The following PCDH9 variants were observed in gnomAD, a reference collection of about 807,000 sequenced individuals.
The protein encoded by PCDH9 is protocadherin-9.
Under a neutral mutation model 70.6 loss-of-function variants are expected in PCDH9, and 24 were observed. The observed-to-expected ratio is 0.34, with a 90% CI of 0.25 to 0.48. The LOEUF (loss-of-function observed/expected upper bound fraction) is 0.48. Ranked by LOEUF, PCDH9 falls within the 20% of genes least tolerant of loss-of-function variation. The pLI is 0.99. For synonymous variants in PCDH9, 562 were observed against 558.5 expected (o/e 1.01, Z -0.09); for missense variants, 1,281 against 1,503.6 (o/e 0.85, Z 2.45).
intron 4 of PCDH9, among the ~76,000 whole-genome samples, chr13:66,564,998 G>A (rs2076632519): frequency 6.6e-6 from 1 of 151,968 alleles, no homozygotes; most frequent in African/African-American, 2.4e-5. Flanking sequence ...CTTCCCTTAG[G>A]AAGCTATACA....
At chr13:66,965,469 T>G (rs531148448) in intron 2 of PCDH9, among the ~76,000 whole-genome samples, 1 of 152,212 alleles carries the variant, frequency 6.6e-6, no homozygotes, top group African/African-American at 2.4e-5. Context: ...CTCCATATGC[T>G]TAGGAAGTCT....
At chr13:66,752,982 C>T (rs999703885) in intron 3 of PCDH9, among the ~76,000 whole-genome samples, 1 of 152,060 alleles carries the variant, frequency 6.6e-6, no homozygotes, top group African/African-American at 2.4e-5. Context: ...CTCAAGTAGG[C>T]AATTGGAGCC....
chr13:66,530,700 G>A lies in PCDH9; in HGVS notation c.3340+100510C>T, dbSNP rs573996802. On this transcript the variant is annotated intron_variant, in intron 4 of 4. Transcript: ENST00000377865. ...TTAATATCAGCAACATAGGTTTTTTGTCTTTTCTTACCAGCAAGTAAGATG... is the reference window on the plus strand; with the variant it reads ...TTAATATCAGCAACATAGGTTTTTTATCTTTTCTTACCAGCAAGTAAGATG... 4.0e-5 allele frequency among the ~76,000 whole-genome samples: 6 copies of A among 151,856 alleles called. No homozygotes were observed. The South Asian group carries it at 8.3e-4, about 21-fold the overall frequency.
chr13:66,573,722 A>G (rs1324452307), intron 4 of PCDH9, among the ~76,000 whole-genome samples: 1 of 150,368 alleles, frequency 6.7e-6, no homozygotes, highest in Non-Finnish European at 1.5e-5. Flanking sequence ...TATTTTGTTG[A>G]GAGCAGTTGG....
At chr13:66,607,778 C>T in intron 4 of PCDH9, among the ~76,000 whole-genome samples, 1 of 152,004 alleles carries the variant, frequency 6.6e-6, no homozygotes, top group Admixed American at 6.6e-5. Flanking sequence ...CAAATGAATG[C>T]ATGTTTAAAT....
chr13:67,225,606 C>T lies in PCDH9; in HGVS notation c.2835G>A (p.Gln945=). ...TGTCTGGTTTGAGATGAAAAGCAGG[C>T]TGTGGAGAAGCAGATTTGTAGTGCT... ...LAKHYKSASP[Q]PAFHLKPDTP... is the part of the protein sequence containing the mutation. Residue 945 remains glutamine, a synonymous_variant, in exon 2 of 5, where the codon CAG becomes CAA. Coordinates refer to ENST00000377865, the MANE Select transcript of PCDH9 (RefSeq NM_203487.3). 6.2e-7 allele frequency: 1 copy of T among 1,614,062 alleles called. No homozygotes were observed. The highest frequency in any genetic ancestry group is 1.3e-5 in the African/African-American group (1 of 74,986).
At chr13:66,859,787 T>C (rs2081452252) in intron 3 of PCDH9, among the ~76,000 whole-genome samples, 1 of 152,218 alleles carries the variant, frequency 6.6e-6, no homozygotes, top group Non-Finnish European at 1.5e-5. Context: ...GGAGAATTCA[T>C]GCTGGTGTCA....
In PCDH9 at chr13:67,225,814, G is replaced by C. The variant is rs1181055816; in HGVS notation, c.2627C>G (p.Ser876Cys). ...AAAGTTCAAAAGAGAGCTTTTGGGA[G>C]ACTTCCTTTTCTTTCTTTTCTTTTT... is the stretch of plus-strand genomic sequence containing the variant. ...NKKKKRKKRK[S>C]PKSSLLNFVT... The change falls in exon 2 of 5, where the codon TCT (serine) becomes TGT (cysteine). Residue 876 changes from serine (S) to cysteine (C), a missense_variant. This residue lies in a region of PCDH9 where 207 missense variants were observed against 191.8 expected (regional missense o/e 1.08). Coordinates refer to ENST00000377865, the MANE Select transcript of PCDH9 (RefSeq NM_203487.3). 1.2e-6 allele frequency: 2 copies of C among 1,614,086 alleles called. No homozygotes were observed. Among genetic ancestry groups the C allele is most frequent in the Non-Finnish European group, 1.7e-6 (2 of 1,179,970 alleles).
intron 4 of PCDH9, among the ~76,000 whole-genome samples, chr13:66,411,467 T>C (rs562488834): frequency 6.6e-6 from 1 of 152,224 alleles, no homozygotes; most frequent in Non-Finnish European, 1.5e-5. Flanking sequence ...ATTTTTTTTC[T>C]TTTAGATATG....
chr13:66,645,496 T>G (rs1029575887), intron 3 of PCDH9, among the ~76,000 whole-genome samples: 1 of 152,030 alleles, frequency 6.6e-6, no homozygotes, highest in Non-Finnish European at 1.5e-5. Context: ...ATTAAAAAAA[T>G]AGAGTACAAG....
chr13:67,125,697 C>A (rs923123967), intron 2 of PCDH9, among the ~76,000 whole-genome samples: 1 of 152,132 alleles, frequency 6.6e-6, no homozygotes, highest in Non-Finnish European at 1.5e-5. Context: ...TCCATCATCA[C>A]CTCTCACATA....
At chr13:66,417,490 C>A (rs1255300258) in intron 4 of PCDH9, among the ~76,000 whole-genome samples, 1 of 152,068 alleles carries the variant, frequency 6.6e-6, no homozygotes, top group East Asian at 1.9e-4. Flanking sequence ...ATAAACATAC[C>A]TGTACATGTA....
chr13:66,801,207 A>T (rs2080321319), intron 3 of PCDH9, among the ~76,000 whole-genome samples: 1 of 152,096 alleles, frequency 6.6e-6, no homozygotes, highest in African/African-American at 2.4e-5. Flanking sequence ...GAATTTTTCT[A>T]GTGAAGGTTA....
chr13:66,643,831 C>G (rs2077737875), intron 3 of PCDH9, among the ~76,000 whole-genome samples: 1 of 151,942 alleles, frequency 6.6e-6, no homozygotes, highest in Non-Finnish European at 1.5e-5. Context: ...GTTCTCTTGA[C>G]TCTAAGATCT....
At chr13:66,528,329 T>C (rs1393013711) in intron 4 of PCDH9, among the ~76,000 whole-genome samples, 1 of 152,096 alleles carries the variant, frequency 6.6e-6, no homozygotes, top group Non-Finnish European at 1.5e-5. Context: ...TCCTCGGCAA[T>C]ACAAGGTCAC....
chr13:66,520,252 G>T (rs1034427303), intron 4 of PCDH9, among the ~76,000 whole-genome samples: 2 of 152,140 alleles, frequency 1.3e-5, no homozygotes, highest in Admixed American at 1.3e-4. Context: ...CCTGAATTTG[G>T]ATTAAATGTG....
chr13:66,393,332 T>C (rs1957049890), intron 4 of PCDH9, among the ~76,000 whole-genome samples: 1 of 152,130 alleles, frequency 6.6e-6, no homozygotes, highest in Non-Finnish European at 1.5e-5. Context: ...AAAGAAGGCC[T>C]GCAAACAACC....
chr13:66,506,358 G>A (rs1775644974), intron 4 of PCDH9, among the ~76,000 whole-genome samples: 1 of 152,108 alleles, frequency 6.6e-6, no homozygotes, highest in Admixed American at 6.6e-5. Context: ...AATGTAAAAA[G>A]CGGCAAACTA....
chr13:66,419,034 A>C (rs1356868470), intron 4 of PCDH9, among the ~76,000 whole-genome samples: 1 of 152,128 alleles, frequency 6.6e-6, no homozygotes, highest in Non-Finnish European at 1.5e-5. Context: ...CCTAGACTAA[A>C]TCAGGAAGAA....
Sources: allele counts gnomAD v4.1 joint callset (sites outside exome capture counted in the v4.1 genomes callset), GRCh38; gene constraint gnomAD v4.1.1; regional missense constraint gnomAD v4.1.1; transcripts MANE v1.5; gene names NCBI Gene and HGNC (gene_info 2026-07-23, HGNC 2026-07-21).